The following MEGF11 variants were observed in gnomAD, a reference collection of about 807,000 sequenced individuals.
MEGF11 encodes multiple epidermal growth factor-like domains protein 11.
In MEGF11, 126 loss-of-function variants were observed where a neutral mutation model predicts 146.6. The ratio of observed to expected loss-of-function variants is 0.86; its 90% CI spans 0.74 to 1.00. MEGF11 has a LOEUF of 1.00. Ranked by LOEUF, MEGF11 falls within the 50% of genes least tolerant of loss-of-function variation. The pLI is 0.00. For synonymous variants in MEGF11, 532 were observed against 583.4 expected, an observed-to-expected ratio of 0.91 and a Z score of 1.27; for missense variants, 1,509 against 1,521.2, an observed-to-expected ratio of 0.99 and a Z score of 0.13.
intron 1 of MEGF11, among the ~76,000 whole-genome samples, chr15:66,214,582 A>G (rs1414519364): frequency 6.6e-6 from 1 of 152,170 alleles, no homozygotes; most frequent in East Asian, 1.9e-4. Context: ...GGTTTGATTA[A>G]TTGAGATTAC....
At chr15:66,201,717 CAA>C (rs888023460) in intron 1 of MEGF11, among the ~76,000 whole-genome samples, 2 of 143,926 alleles carry the variant, frequency 1.4e-5, no homozygotes, top group African/African-American at 5.2e-5. Context: ...AGGTGGATCA[CAA>C]AGTCAGGAGG....
chr15:66,081,486 C>T (rs1026088270), intron 5 of MEGF11, among the ~76,000 whole-genome samples: 1 of 152,206 alleles, frequency 6.6e-6, no homozygotes, highest in Non-Finnish European at 1.5e-5. Flanking sequence ...TCAAGCTATT[C>T]TCCTGCCTTA....
chr15:65,940,826 A>T (rs2079965306), intron 10 of MEGF11, among the ~76,000 whole-genome samples: 1 of 152,198 alleles, frequency 6.6e-6, no homozygotes, highest in South Asian at 2.1e-4. Flanking sequence ...CCCATGTAGT[A>T]TTCACTCTCA....
intron 1 of MEGF11, among the ~76,000 whole-genome samples, chr15:66,221,465 A>G (rs904568773): frequency 6.6e-6 from 1 of 151,658 alleles, no homozygotes; most frequent in Non-Finnish European, 1.5e-5. Flanking sequence ...ACCTCACATA[A>G]TTTCACAACT....
intron 1 of MEGF11, among the ~76,000 whole-genome samples, chr15:66,146,996 C>A (rs562088275): frequency 6.6e-6 from 1 of 152,326 alleles, no homozygotes; most frequent in African/African-American, 2.4e-5. Flanking sequence ...CTCTCCAAGG[C>A]AGGCATAATG....
At chr15:65,988,138 G>C (rs2081928577) in intron 5 of MEGF11, among the ~76,000 whole-genome samples, 1 of 151,754 alleles carries the variant, frequency 6.6e-6, no homozygotes, top group African/African-American at 2.4e-5. Context: ...CACCTGAGTA[G>C]CTGGGACTAC....
At chr15:66,085,960 TAAAG>T (rs1448603913) in intron 5 of MEGF11, among the ~76,000 whole-genome samples, 3 of 151,872 alleles carry the variant, frequency 2.0e-5, no homozygotes, top group Non-Finnish European at 2.9e-5. Flanking sequence ...AGGAAATAAA[TAAAG>T]AAAACACAAT....
chr15:66,216,129 TG>T (rs902885150), intron 1 of MEGF11, among the ~76,000 whole-genome samples: 1 of 152,212 alleles, frequency 6.6e-6, no homozygotes, highest in African/African-American at 2.4e-5. Context: ...TGATGGCTTC[TG>T]TCACAAAGTC....
chr15:65,905,006 C>T (rs1258079405), intron 24 of MEGF11, among the ~76,000 whole-genome samples: 1 of 152,202 alleles, frequency 6.6e-6, no homozygotes, highest in African/African-American at 2.4e-5. Context: ...AATTCTTGTG[C>T]CTCAGCCTCC....
chr15:66,011,342 C>T (rs1197142878), intron 5 of MEGF11, among the ~76,000 whole-genome samples: 2 of 152,164 alleles, frequency 1.3e-5, no homozygotes, highest in Admixed American at 6.5e-5. Flanking sequence ...TAAGCCATTG[C>T]CCAGCTATGG....
At position 66,145,357 on chromosome 15, in the gene MEGF11, A is replaced by G. The variant is rs139635829; in HGVS notation, c.-8-16946T>C. ...AGGAGGTAAAAAAAAAAAATTCAAT[A>G]TTGGGTTTTGTCTCATTTCAAAGCC... On this transcript the variant is annotated intron_variant, in intron 1 of 25. Transcript: ENST00000395614. 5.7e-3 allele frequency among the ~76,000 whole-genome samples: 871 copies of G among 152,202 alleles called. 3 individuals are homozygous for G. Among genetic ancestry groups the G allele is most frequent in the Middle Eastern group, 0.017 (5 of 294 alleles).
chr15:66,227,403 T>C (rs2091876810), intron 1 of MEGF11, among the ~76,000 whole-genome samples: 1 of 152,212 alleles, frequency 6.6e-6, no homozygotes, highest in South Asian at 2.1e-4. Context: ...TTAATAGTAA[T>C]AAATCCCATA....
chr15:66,014,194 C>T (rs991114347), intron 5 of MEGF11, among the ~76,000 whole-genome samples: 1 of 152,210 alleles, frequency 6.6e-6, no homozygotes, highest in Admixed American at 6.5e-5. Context: ...ATAGCACCTG[C>T]AAGAGAGTAA....
intron 3 of MEGF11, 73 bp downstream of exon 3, chr15:66,123,826 C>T: frequency 7.7e-7 from 1 of 1,293,660 alleles, no homozygotes; most frequent in Non-Finnish European, 1.1e-6. Flanking sequence ...CGGCCTTTTT[C>T]TAACTTGCAC....
chr15:66,183,288 TCA>T (rs2090602248), intron 1 of MEGF11, among the ~76,000 whole-genome samples: 1 of 152,132 alleles, frequency 6.6e-6, no homozygotes, highest in Admixed American at 6.5e-5. Flanking sequence ...TCGCCCATGG[TCA>T]GGAGTTCGAG....
At chr15:66,040,517 C>A (rs557509117) in intron 5 of MEGF11, among the ~76,000 whole-genome samples, 7 of 137,826 alleles carry the variant, frequency 5.1e-5, no homozygotes, top group African/African-American at 1.2e-4. Flanking sequence ...CACAGCGATA[C>A]GTTCTCTGTC....
intron 5 of MEGF11, among the ~76,000 whole-genome samples, chr15:65,990,825 T>C (rs1015829258): frequency 3.9e-5 from 6 of 152,186 alleles, no homozygotes; most frequent in African/African-American, 1.4e-4. Flanking sequence ...TGTTGCCAAA[T>C]GTCCCCACTT....
chr15:66,204,605 T>C (rs184737660), intron 1 of MEGF11, among the ~76,000 whole-genome samples: 1 of 152,242 alleles, frequency 6.6e-6, no homozygotes, highest in African/African-American at 2.4e-5. Context: ...AGGTTATTCG[T>C]ACCTGTAAAG....
chr15:66,035,937 A>ACAGCCCCT, intron 5 of MEGF11, among the ~76,000 whole-genome samples: 1 of 152,348 alleles, frequency 6.6e-6, no homozygotes, highest in South Asian at 2.1e-4. Context: ...CCTCTGAGCC[A>ACAGCCCCT]CAGCCCCTCA....
Sources: gnomAD v4.1 joint callset for allele counts (sites outside exome capture counted in the v4.1 genomes callset) on GRCh38, gnomAD v4.1.1 for gene constraint, MANE v1.5 for transcripts, NCBI Gene and HGNC (gene_info 2026-07-23, HGNC 2026-07-21) for gene names.